MPRIP: variants seen among roughly 807,000 people sequenced by gnomAD.
MPRIP encodes the protein myosin phosphatase Rho interacting protein.
Under a neutral mutation model 234.9 loss-of-function variants are expected in MPRIP, and 59 were observed. That is an observed-to-expected ratio of 0.25 (90% CI 0.20 to 0.31). The LOEUF (loss-of-function observed/expected upper bound fraction) is 0.31. Ranked by LOEUF, MPRIP falls within the 10% of genes least tolerant of loss-of-function variation. MPRIP has a pLI of 1.00. For missense variants in MPRIP, 2,436 were observed against 3,071.0 expected, an observed-to-expected ratio of 0.79 and a Z score of 4.89; for synonymous variants, 1,144 against 1,263.9, an observed-to-expected ratio of 0.91 and a Z score of 2.01.
chr17:17,097,352 G>T (rs1486948805), intron 3 of MPRIP: 1 of 152,912 alleles, frequency 6.5e-6, no homozygotes, highest in Non-Finnish European at 1.5e-5. Flanking sequence ...TTCTGGCCAG[G>T]CATGGTGGTT....
chr17:17,121,434 T>C (rs2144354218), intron 3 of MPRIP, among the ~76,000 whole-genome samples: 1 of 152,386 alleles, frequency 6.6e-6, no homozygotes. Flanking sequence ...CTTCCTTGTC[T>C]GCGGGATGAG....
intron 3 of MPRIP, among the ~76,000 whole-genome samples, chr17:17,098,087 GCTGCTGGGGGTGTC>G (rs1237316821): frequency 2.0e-5 from 3 of 152,174 alleles, no homozygotes; most frequent in Admixed American, 2.0e-4. Flanking sequence ...CCAAGAGTGG[GCTGCTGGGGGTGTC>G]CTGCTGGGGC....
intron 3 of MPRIP, among the ~76,000 whole-genome samples, chr17:17,118,111 C>T (rs1270690709): frequency 6.6e-6 from 1 of 152,238 alleles, no homozygotes; most frequent in African/African-American, 2.4e-5. Flanking sequence ...GTAGGTCCAG[C>T]CTAGGTAGCC....
chr17:17,129,033 A>G (rs2090546580), intron 4 of MPRIP, among the ~76,000 whole-genome samples: 1 of 152,158 alleles, frequency 6.6e-6, no homozygotes, highest in South Asian at 2.1e-4. Context: ...GGTTGGGGAC[A>G]GTCCCACCCA....
chr17:17,085,813 T>C (rs1597780691), intron 3 of MPRIP, among the ~76,000 whole-genome samples: 1 of 152,206 alleles, frequency 6.6e-6, no homozygotes, highest in East Asian at 1.9e-4. Flanking sequence ...CTCTGGAGGC[T>C]GAGGCAGGAG....
intron 1 of MPRIP, among the ~76,000 whole-genome samples, chr17:17,072,257 G>A (rs897334429): frequency 9.2e-5 from 14 of 152,210 alleles, no homozygotes; most frequent in Admixed American, 2.6e-4. Context: ...CCTTGGGGAT[G>A]AGGACAGGTT....
At chr17:17,064,111 A>G (rs906623002) in intron 1 of MPRIP, among the ~76,000 whole-genome samples, 2 of 152,136 alleles carry the variant, frequency 1.3e-5, no homozygotes, top group African/African-American at 4.8e-5. Flanking sequence ...GGCAGGCGTC[A>G]CTGAAGAAGG....
intron 1 of MPRIP, among the ~76,000 whole-genome samples, chr17:17,066,245 A>C (rs2089021372): frequency 6.6e-6 from 1 of 152,242 alleles, no homozygotes; most frequent in Non-Finnish European, 1.5e-5. Flanking sequence ...GCATTTCCCC[A>C]TTATGTGTAA....
chr17:17,138,048 C>A lies in MPRIP; in HGVS notation c.869C>A (p.Pro290His). 1 of 1,609,052 alleles carries A rather than the reference C, an allele frequency of 6.2e-7. No individual in the cohort carries two copies. Among genetic ancestry groups the A allele is most frequent in the Non-Finnish European group, 8.5e-7 (1 of 1,177,892 alleles). Residue 290 changes from proline to histidine, a missense_variant, in exon 7 of 24, where the codon CCT becomes CAT. Pro to His is a moderately conservative substitution (Grantham distance 77). Transcript: ENST00000651222. This position sits in a 1 kb window ranked among gnomAD's most constrained non-coding sequence, Gnocchi z 5.8. ...CAGCAGCTGCCCCCGCCGCTCTCCC[C>A]TCCCAGCCCCAGCACCCCCAACCAC... ...EEQQLPPPLSPPSPSTPNHRY... is the reference protein window; with the variant it reads ...EEQQLPPPLSHPSPSTPNHRY...
At chr17:17,065,747 A>G (rs79684996) in intron 1 of MPRIP, among the ~76,000 whole-genome samples, 92 of 152,306 alleles carry the variant, frequency 6.0e-4, no homozygotes, top group Non-Finnish European at 9.7e-4. Flanking sequence ...ACTGAATATC[A>G]GTTGGGTGAG....
intron 12 of MPRIP, among the ~76,000 whole-genome samples, chr17:17,151,887 T>C (rs2045610616): frequency 6.6e-6 from 1 of 152,222 alleles, no homozygotes; most frequent in African/African-American, 2.4e-5. Flanking sequence ...GGGACTTGGT[T>C]CTCACACAAG....
intron 3 of MPRIP, among the ~76,000 whole-genome samples, chr17:17,112,204 C>A (rs1164247158): frequency 6.6e-6 from 1 of 152,142 alleles, no homozygotes. Flanking sequence ...TTTCTTATCT[C>A]CAGCTGAGCT....
chr17:17,086,498 C>T (rs1449668520), intron 3 of MPRIP, among the ~76,000 whole-genome samples: 2 of 152,220 alleles, frequency 1.3e-5, no homozygotes, highest in East Asian at 3.8e-4. Flanking sequence ...GTGCGATGCT[C>T]TTTTCAGCAG....
At position 17,185,378 on chromosome 17, in the gene MPRIP, G is replaced by A; in HGVS notation, c.*484G>A. ...GCACTGACTCCTCACCCGCTAGTCT[G>A]GCTGTTAAGAGGAGAAAGTGCACTG... On this transcript the variant is annotated 3_prime_UTR_variant, in exon 24 of 24. Coordinates refer to ENST00000651222, the MANE Select transcript of MPRIP (RefSeq NM_001364716.4). 2 of 399,010 alleles carry A rather than the reference G, an allele frequency of 5.0e-6. No homozygotes were observed. Among genetic ancestry groups the A allele is most frequent in the South Asian group, 3.7e-5 (2 of 53,798 alleles). 24.7% of individuals were successfully genotyped at this position (399,010 alleles called of 1,614,324 possible).
chr17:17,051,159 C>T (rs1186766531), intron 1 of MPRIP, among the ~76,000 whole-genome samples: 2 of 152,210 alleles, frequency 1.3e-5, no homozygotes, highest in Non-Finnish European at 2.9e-5. Context: ...CCAGGAAGCA[C>T]GCTGGCTGCC....
intron 12 of MPRIP, among the ~76,000 whole-genome samples, chr17:17,153,780 C>G (rs1254831101): frequency 1.3e-5 from 2 of 152,134 alleles, no homozygotes; most frequent in Non-Finnish European, 2.9e-5. Flanking sequence ...GTCTCCCTGC[C>G]TTTTCTCAGT....
At chr17:17,157,704 G>A (rs143123829) in intron 13 of MPRIP, among the ~76,000 whole-genome samples, 3,468 of 152,076 alleles carry the variant, frequency 0.023, 104 homozygotes, top group Middle Eastern at 0.085. Context: ...AGCGCATGCC[G>A]GTAATCCCAG....
chr17:17,164,211 A>T lies in MPRIP; in HGVS notation c.2620A>T (p.Ile874Phe). ...LEAQCQRQEL[I>F]THQIQTLKRS... ...AGCCCAGTGCCAGCGCCAGGAGCTG[A>T]TTACACACCAGATTCAGACCCTGAA... Residue 874 changes from isoleucine (I) to phenylalanine (F), a missense_variant, in exon 16 of 24, where the codon ATT (isoleucine) becomes TTT (phenylalanine). Physicochemically the swap from Ile to Phe is conservative, Grantham distance 21. Transcript: ENST00000651222. 1 of 1,304,356 alleles carries T rather than the reference A, an allele frequency of 7.7e-7. No individual in the cohort carries two copies. Among genetic ancestry groups the T allele is most frequent in the South Asian group, 1.2e-5 (1 of 81,034 alleles). The allele number at this position is 1,304,356 out of a possible 1,614,324, so 80.8% of individuals were successfully genotyped here.
At chr17:17,079,874 C>G (rs1298636718) in intron 3 of MPRIP, among the ~76,000 whole-genome samples, 1 of 152,236 alleles carries the variant, frequency 6.6e-6, no homozygotes, top group Non-Finnish European at 1.5e-5. Context: ...GGCACGGCTT[C>G]TGGATAATTG....
Sources: allele counts gnomAD v4.1 joint callset (sites outside exome capture counted in the v4.1 genomes callset), GRCh38; gene constraint gnomAD v4.1.1; non-coding constraint Gnocchi (gnomAD v3.1); transcripts MANE v1.5; gene names NCBI Gene and HGNC (gene_info 2026-07-23, HGNC 2026-07-21).